CPNE9: variants seen among roughly 807,000 people sequenced by gnomAD.
CPNE9 encodes the protein copine family member 9, also known as copine-9.
Under a neutral mutation model 83.0 loss-of-function variants are expected in CPNE9, and 59 were observed. That is an observed-to-expected ratio of 0.71 (90% CI 0.58 to 0.88). The LOEUF (loss-of-function observed/expected upper bound fraction) is 0.88. Ranked by LOEUF, CPNE9 falls within the 40% of genes least tolerant of loss-of-function variation. The pLI is 0.00. For missense variants in CPNE9, 619 were observed against 720.8 expected (o/e 0.86, Z 1.62); for synonymous variants, 256 against 273.4 (o/e 0.94, Z 0.63).
chr3:9,729,089 G>A (rs753585909), intron 20 of CPNE9, among the ~76,000 whole-genome samples: 1 of 152,066 alleles, frequency 6.6e-6, no homozygotes, highest in African/African-American at 2.4e-5. Context: ...GTGGTGGGAG[G>A]GGGGAGCTTC....
Position 9,703,962 on chromosome 3 carries a change from C to A in CPNE9, c.-35C>A. 6.4e-7 allele frequency: 1 copy of A among 1,569,534 alleles called. No homozygotes were observed. Among genetic ancestry groups the A allele is most frequent in the Non-Finnish European group, 8.6e-7 (1 of 1,160,434 alleles). ...CCCCTAGCCCCAGCAGCCCTGGTCT[C>A]GCAGCCTCCTGCGGCTCTGGTCGCC... On this transcript the variant is annotated 5_prime_UTR_variant, in exon 1 of 21. Transcript: ENST00000383832.
chr3:9,705,002 C>T lies in CPNE9; in HGVS notation c.260+8C>T, dbSNP rs1184355216. Reference sequence around the variant, plus strand: ...AAATCTGCGCTTCGATGTGTGAGGCCCCGCCTGGAATTCTGGCTTGGCCCG... The same window carrying T: ...AAATCTGCGCTTCGATGTGTGAGGCTCCGCCTGGAATTCTGGCTTGGCCCG... On this transcript the variant is annotated splice_region_variant and intron_variant, in intron 4 of 20. Coordinates refer to ENST00000383832, the MANE Select transcript of CPNE9 (RefSeq NM_153635.3). 6.3e-7 allele frequency: 1 copy of T among 1,597,604 alleles called. No homozygotes were observed. The highest frequency in any genetic ancestry group is 8.5e-7 in the Non-Finnish European group (1 of 1,170,166).
chr3:9,704,487 A>C lies in CPNE9; in HGVS notation c.69-100A>C. 1 of 1,005,666 alleles carries C rather than the reference A, an allele frequency of 9.9e-7. No homozygotes were observed. Among genetic ancestry groups the C allele is most frequent in the Non-Finnish European group, 1.6e-6 (1 of 625,272 alleles). The allele number at this position is 1,005,666 out of a possible 1,614,324, so 62.3% of individuals were successfully genotyped here. On this transcript the variant is annotated intron_variant, in intron 1 of 20. Transcript: ENST00000383832. This position sits in a 1 kb window ranked among gnomAD's most constrained non-coding sequence, Gnocchi z 7.1. ...GGTAGCCATGGGGGACAGAGGTTCG[A>C]TGCGGGCCCCATGCCTCTCCTCAGT...
Position 9,704,472 on chromosome 3 carries a change from G to A in CPNE9, c.69-115G>A. The A allele has an allele frequency of 1.1e-6, 1 of 898,544 alleles. No individual in the cohort carries two copies. The highest frequency in any genetic ancestry group is 1.3e-5 in the South Asian group (1 of 76,604). The allele number at this position is 898,544 out of a possible 1,614,324, so 55.7% of individuals were successfully genotyped here. A position where few individuals can be genotyped will look rare whatever the true frequency, so the allele number is the denominator to read the frequency against. Reference sequence around the variant, plus strand: ...CGGACCCCGGCTGGGGGTAGCCATGGGGGACAGAGGTTCGATGCGGGCCCC... The same window carrying A: ...CGGACCCCGGCTGGGGGTAGCCATGAGGGACAGAGGTTCGATGCGGGCCCC... On this transcript the variant is annotated intron_variant, in intron 1 of 20. Coordinates refer to ENST00000383832, the MANE Select transcript of CPNE9 (RefSeq NM_153635.3). The surrounding 1 kb of genome is among the most constrained non-coding windows in gnomAD (Gnocchi z 7.1).
chr3:9,705,746 G>A, intron 6 of CPNE9, 26 bp downstream of exon 6: 10 of 1,612,186 alleles, frequency 6.2e-6, no homozygotes, highest in Non-Finnish European at 8.5e-6. Context: ...GCTGGGCAGA[G>A]GTTGGGGGTG....
At chr3:9,723,081 A>T (rs2076747885) in intron 17 of CPNE9, among the ~76,000 whole-genome samples, 1 of 152,180 alleles carries the variant, frequency 6.6e-6, no homozygotes, top group Non-Finnish European at 1.5e-5. Context: ...TAGGTATGCA[A>T]TTGCTATTTA....
chr3:9,713,665 T>C (rs1335890807), intron 10 of CPNE9, among the ~76,000 whole-genome samples: 1 of 152,072 alleles, frequency 6.6e-6, no homozygotes, highest in Non-Finnish European at 1.5e-5. Context: ...GTTGGATAGA[T>C]GAATAGATGG....
At position 9,729,367 on chromosome 3, in the gene CPNE9, A is replaced by C. The variant is rs943912862; in HGVS notation, c.1477-140A>C. 3 of 1,287,474 alleles carry C rather than the reference A, an allele frequency of 2.3e-6. No individual in the cohort carries two copies. In the African/African-American group the frequency reaches 4.5e-5, roughly 19 times the overall value. 79.8% of individuals were successfully genotyped at this position (1,287,474 alleles called of 1,614,324 possible). On this transcript the variant is annotated intron_variant, in intron 20 of 20. Coordinates refer to ENST00000383832, the MANE Select transcript of CPNE9 (RefSeq NM_153635.3). ...TGGGTGGAGAGAAAGCAAATGTAGAAAACTGTTCAAGATGTGGAGAGGGAG... is the reference window on the plus strand; with the variant it reads ...TGGGTGGAGAGAAAGCAAATGTAGACAACTGTTCAAGATGTGGAGAGGGAG...
intron 13 of CPNE9, 116 bp from the exon 14 acceptor site, chr3:9,715,858 G>C: frequency 1.2e-6 from 1 of 819,168 alleles, no homozygotes; most frequent in Non-Finnish European, 2.0e-6. Context: ...GGGGGAGCGG[G>C]TGGAATCATG....
chr3:9,725,582 A>T (rs974120155), intron 17 of CPNE9, among the ~76,000 whole-genome samples: 1 of 148,894 alleles, frequency 6.7e-6, no homozygotes, highest in Non-Finnish European at 1.5e-5. Flanking sequence ...ATATATATAT[A>T]TGTGTATATA....
chr3:9,727,419 G>A (rs1231381192), intron 20 of CPNE9: 1 of 717,998 alleles, frequency 1.4e-6, no homozygotes, highest in Admixed American at 2.0e-5. Flanking sequence ...CTCTAGTGGA[G>A]ACAACCAACA....
At chr3:9,706,145 G>A in intron 7 of CPNE9, 82 bp downstream of exon 7, 1 of 1,419,980 alleles carries the variant, frequency 7.0e-7, no homozygotes, top group Non-Finnish European at 9.8e-7. Flanking sequence ...ACTGATAGAA[G>A]TGGAGGCTGG....
Position 9,718,745 on chromosome 3 carries a change from A to G in CPNE9, c.1241+143A>G. The G allele has an allele frequency of 6.1e-6, 6 of 982,668 alleles. No individual in the cohort carries two copies. In the South Asian group the frequency reaches 8.9e-5, roughly 15 times the overall value. The allele number at this position is 982,668 out of a possible 1,614,324, so 60.9% of individuals were successfully genotyped here. A position where few individuals can be genotyped will look rare whatever the true frequency, so the allele number is the denominator to read the frequency against. ...GCCAGGCATGGTGGCTCATACCTGT[A>G]ATCCCAACACTTTGGGAGACTGAGG... On this transcript the variant is annotated intron_variant, in intron 17 of 20. Transcript: ENST00000383832.
chr3:9,725,977 C>A lies in CPNE9; in HGVS notation c.1270C>A (p.Gln424Lys). Residue 424 changes from glutamine to lysine, a missense_variant, in exon 18 of 21, where the codon CAG becomes AAG. Gln to Lys is a moderately conservative substitution (Grantham distance 53). Transcript: ENST00000383832. ...TGCAGCCAAGATCTCTGATGGCTCCCAGTACTATGTTCTGCTCATCATCAC... is the reference window on the plus strand; with the variant it reads ...TGCAGCCAAGATCTCTGATGGCTCCAAGTACTATGTTCTGCTCATCATCAC... ...RAAAKISDGS[Q>K]YYVLLIITDG... 6.2e-7 allele frequency: 1 copy of A among 1,613,586 alleles called. No individual in the cohort carries two copies. Among genetic ancestry groups the A allele is most frequent in the Non-Finnish European group, 8.5e-7 (1 of 1,179,696 alleles).
intron 7 of CPNE9, among the ~76,000 whole-genome samples, chr3:9,709,190 C>T (rs184157898): frequency 2.0e-5 from 3 of 147,096 alleles, no homozygotes; most frequent in African/African-American, 5.0e-5. Context: ...GCAGTAAAAT[C>T]GCCTGAACCC....
At chr3:9,707,296 T>G (rs1348611778) in intron 7 of CPNE9, among the ~76,000 whole-genome samples, 2 of 131,500 alleles carry the variant, frequency 1.5e-5, no homozygotes, top group Non-Finnish European at 3.1e-5. Flanking sequence ...GAGCTTGCAG[T>G]GAGCTGAGAT....
Position 9,727,582 on chromosome 3 carries a change from T to G in CPNE9, c.1476+396T>G, listed in dbSNP as rs1387257037. On this transcript the variant is annotated intron_variant, in intron 20 of 20. Coordinates refer to ENST00000383832, the MANE Select transcript of CPNE9 (RefSeq NM_153635.3). ...GCTTGCCAAGACCTAAGGGAGGGGA[T>G]AAGCATTACAGGGAGAGGAGCAGCA... 21 of 601,952 alleles carry G rather than the reference T, an allele frequency of 3.5e-5. No individual in the cohort carries two copies. The South Asian group carries it at 3.7e-4, about 11-fold the overall frequency. 37.3% of individuals were successfully genotyped at this position (601,952 alleles called of 1,614,324 possible). A position where few individuals can be genotyped will look rare whatever the true frequency, so the allele number is the denominator to read the frequency against.
chr3:9,729,359 A>G, intron 20 of CPNE9, 148 bp from the exon 21 acceptor site: 1 of 1,243,238 alleles, frequency 8.0e-7, no homozygotes, highest in South Asian at 1.9e-5. Flanking sequence ...AGAGAAAGCA[A>G]ATGTAGAAAA....
At chr3:9,708,787 C>T (rs553159031) in intron 7 of CPNE9, among the ~76,000 whole-genome samples, 10 of 152,106 alleles carry the variant, frequency 6.6e-5, no homozygotes, top group East Asian at 3.9e-4. Flanking sequence ...CACCCGCCAC[C>T]ATGCCCGGCT....
Sources: gnomAD v4.1 joint callset for allele counts (sites outside exome capture counted in the v4.1 genomes callset) on GRCh38, gnomAD v4.1.1 for gene constraint, Gnocchi (gnomAD v3.1) non-coding constraint, MANE v1.5 for transcripts, NCBI Gene and HGNC (gene_info 2026-07-23, HGNC 2026-07-21) for gene names.